Variants in FUT8 observed in about 807,000 individuals in gnomAD.
The protein encoded by FUT8 is fucosyltransferase 8, also known as alpha-(1,6)-fucosyltransferase.
Under a neutral mutation model 71.3 loss-of-function variants are expected in FUT8, and 29 were observed. That is an observed-to-expected ratio of 0.41 (90% confidence interval 0.30 to 0.55). FUT8 has a LOEUF of 0.55. Among genes scored for constraint, FUT8 ranks in the 20% least tolerant of loss-of-function variants. The pLI is 0.34. For missense variants in FUT8, 544 were observed against 702.1 expected (o/e 0.77, Z 2.55); for synonymous variants, 254 against 239.3 (o/e 1.06, Z -0.57).
At chr14:65,636,939 C>T (rs1470064891) in intron 6 of FUT8, among the ~76,000 whole-genome samples, 6 of 152,068 alleles carry the variant, frequency 3.9e-5, no homozygotes, top group African/African-American at 1.4e-4. Context: ...GAAGACAACC[C>T]TAATAGACAA....
chr14:65,465,346 A>G (rs1445709582), intron 2 of FUT8, among the ~76,000 whole-genome samples: 1 of 151,994 alleles, frequency 6.6e-6, no homozygotes, highest in East Asian at 1.9e-4. Context: ...TTACTTACTT[A>G]CTTATTTATG....
chr14:65,474,263 C>T (rs1403690755), intron 2 of FUT8, among the ~76,000 whole-genome samples: 1 of 151,092 alleles, frequency 6.6e-6, no homozygotes, highest in Non-Finnish European at 1.5e-5. Flanking sequence ...TCCATGTAAC[C>T]CAAAACCACT....
At chr14:65,540,698 A>G (rs554445934) in intron 2 of FUT8, among the ~76,000 whole-genome samples, 173 of 152,366 alleles carry the variant, frequency 1.1e-3, no homozygotes, top group African/African-American at 3.8e-3. Context: ...AAGAGGAAGA[A>G]GTGTAAATAA....
At chr14:65,705,426 C>T (rs1224239223) in intron 7 of FUT8, among the ~76,000 whole-genome samples, 1 of 152,086 alleles carries the variant, frequency 6.6e-6, no homozygotes, top group African/African-American at 2.4e-5. Context: ...TTTAAATGGC[C>T]GTCTTTTGTG....
intron 2 of FUT8, among the ~76,000 whole-genome samples, chr14:65,505,341 C>G (rs2066712924): frequency 8.8e-6 from 1 of 113,968 alleles, no homozygotes; most frequent in Non-Finnish European, 1.6e-5. Context: ...GAGACAGAGT[C>G]TCGCTCTGTC....
At chr14:65,357,972 G>C in the FUT8 span, among the ~76,000 whole-genome samples, 1 of 152,084 alleles carries the variant, frequency 6.6e-6, no homozygotes, top group African/African-American at 2.4e-5. Flanking sequence ...CCACACATAT[G>C]TGAAATCCAA....
chr14:65,537,763 A>G (rs150650057), intron 2 of FUT8, among the ~76,000 whole-genome samples: 5 of 152,316 alleles, frequency 3.3e-5, no homozygotes, highest in African/African-American at 4.8e-5. Flanking sequence ...AGTTGCTGTC[A>G]TAAGAATGGG....
chr14:65,513,679 C>G (rs553390143), intron 2 of FUT8, among the ~76,000 whole-genome samples: 1 of 152,110 alleles, frequency 6.6e-6, no homozygotes, highest in African/African-American at 2.4e-5. Flanking sequence ...AACTTCTCTC[C>G]GTGTGTTAAC....
At chr14:65,568,262 T>G (rs1886300380) in intron 3 of FUT8, among the ~76,000 whole-genome samples, 1 of 151,806 alleles carries the variant, frequency 6.6e-6, no homozygotes, top group East Asian at 1.9e-4. Flanking sequence ...TATAGTAATG[T>G]CTCCTTTTTC....
the FUT8 span, among the ~76,000 whole-genome samples, chr14:65,400,866 C>T: frequency 4.6e-5 from 7 of 152,124 alleles, no homozygotes; most frequent in African/African-American, 1.7e-4. Flanking sequence ...GCCTGGGCAA[C>T]AGTGGGAGAC....
intron 3 of FUT8, among the ~76,000 whole-genome samples, chr14:65,613,554 G>C (rs912108515): frequency 3.3e-5 from 5 of 152,134 alleles, no homozygotes; most frequent in African/African-American, 4.8e-5. Context: ...ACAAATGAAG[G>C]CTTTTTCATT....
intron 2 of FUT8, among the ~76,000 whole-genome samples, chr14:65,469,526 G>C (rs1405220025): frequency 6.6e-6 from 1 of 152,216 alleles, no homozygotes. Flanking sequence ...CCGAGTTCTT[G>C]TCCTGTGTCC....
In FUT8 at chr14:65,501,405, T is replaced by A. The variant is rs74981743; in HGVS notation, c.-228+45687T>A. ...ACTTGGAGTTGGGACCTCATAGAAT[T>A]GGGGTTCAAAACCTCTGGAGGGGGT... is the stretch of plus-strand genomic sequence containing the variant. On this transcript the variant is annotated intron_variant, in intron 2 of 10. Transcript: ENST00000673929. Among the ~76,000 whole-genome samples the A allele has an allele frequency of 8.3e-3, 1,266 of 152,220 alleles. 17 individuals are homozygous for A. Among genetic ancestry groups the A allele is most frequent in the African/African-American group, 0.029 (1,213 of 41,528 alleles).
At chr14:65,734,098 A>T (rs7150233) in intron 10 of FUT8, among the ~76,000 whole-genome samples, 1 of 152,024 alleles carries the variant, frequency 6.6e-6, no homozygotes, top group Admixed American at 6.6e-5. Flanking sequence ...TGTTAAATGC[A>T]CTCAAAATTA....
At chr14:65,739,073 T>G (rs1261448185) in intron 10 of FUT8, among the ~76,000 whole-genome samples, 1 of 152,102 alleles carries the variant, frequency 6.6e-6, no homozygotes, top group Admixed American at 6.6e-5. Context: ...TACTTAATCT[T>G]TCTGTGGCTT....
chr14:65,494,577 G>T (rs1178138781), intron 2 of FUT8, among the ~76,000 whole-genome samples: 1 of 152,084 alleles, frequency 6.6e-6, no homozygotes. Flanking sequence ...CTCAGGAGGG[G>T]CAACGTATTT....
At chr14:65,458,181 C>CAAAAAAAA (rs57430489) in intron 2 of FUT8, 1 of 124,126 alleles carries the variant, frequency 8.1e-6, no homozygotes, top group East Asian at 2.3e-4. Flanking sequence ...GACTCCGTCT[C>CAAAAAAAA]AAAAAAAAAA....
chr14:65,637,134 A>G (rs1424013710), intron 6 of FUT8, among the ~76,000 whole-genome samples: 1 of 152,120 alleles, frequency 6.6e-6, no homozygotes, highest in Non-Finnish European at 1.5e-5. Flanking sequence ...AGAAAATGCT[A>G]TTGTTTCTAT....
At chr14:65,533,496 A>G (rs935526232) in intron 2 of FUT8, among the ~76,000 whole-genome samples, 1 of 152,064 alleles carries the variant, frequency 6.6e-6, no homozygotes, top group East Asian at 1.9e-4. Flanking sequence ...ATTTTTGTAC[A>G]TTTAATTTGT....
Sources: gnomAD v4.1 joint callset for allele counts (sites outside exome capture counted in the v4.1 genomes callset) on GRCh38, gnomAD v4.1.1 for gene constraint, MANE v1.5 for transcripts, NCBI Gene and HGNC (gene_info 2026-07-23, HGNC 2026-07-21) for gene names.